TNFRSF10D: variants seen among roughly 807,000 people sequenced by gnomAD.
TNFRSF10D encodes the protein tumor necrosis factor receptor superfamily member 10D.
In TNFRSF10D, 28 loss-of-function variants were observed where a neutral mutation model predicts 42.1. The ratio of observed to expected loss-of-function variants is 0.66; its 90% CI spans 0.49 to 0.91. TNFRSF10D has a LOEUF of 0.91. Ranked by LOEUF, TNFRSF10D falls within the 40% of genes least tolerant of loss-of-function variation. The pLI, the probability that TNFRSF10D is intolerant of heterozygous loss-of-function variation, is 0.00. For synonymous variants in TNFRSF10D, 186 were observed against 189.4 expected (o/e 0.98, Z 0.15); for missense variants, 503 against 486.1 (o/e 1.03, Z -0.33).
At chr8:23,144,312 C>T (rs549358754) in intron 7 of TNFRSF10D, 138 bp downstream of exon 7, 16 of 958,082 alleles carry the variant, frequency 1.7e-5, no homozygotes, top group African/African-American at 1.1e-4. Context: ...GCAGCTGCTC[C>T]GTCCCCTGCA....
intron 7 of TNFRSF10D, 58 bp from the exon 8 acceptor site, chr8:23,138,318 T>C: frequency 1.3e-6 from 2 of 1,588,416 alleles, no homozygotes; most frequent in Non-Finnish European, 1.7e-6. Flanking sequence ...AGTCTAGTAC[T>C]GACCCTGACC....
intron 2 of TNFRSF10D, among the ~76,000 whole-genome samples, chr8:23,154,439 C>T (rs1237355219): frequency 9.9e-5 from 15 of 152,240 alleles, no homozygotes; most frequent in African/African-American, 3.6e-4. Flanking sequence ...ACCCCAGGTA[C>T]ATATGCTTTA....
At chr8:23,147,191 T>G (rs533374932) in intron 3 of TNFRSF10D, 119 bp from the exon 4 acceptor site, 152 of 794,450 alleles carry the variant, frequency 1.9e-4, no homozygotes, top group Non-Finnish European at 2.9e-4. Flanking sequence ...TTCTGAGGGC[T>G]GGTTTCTGCA....
chr8:23,144,660 A>C (rs550714300), intron 6 of TNFRSF10D, 25 bp from the exon 7 acceptor site: 3 of 1,605,482 alleles, frequency 1.9e-6, no homozygotes, highest in Non-Finnish European at 2.6e-6. Context: ...GAGCCCACTC[A>C]AGTCCACACC....
intron 1 of TNFRSF10D, among the ~76,000 whole-genome samples, chr8:23,161,570 A>G (rs377110662): frequency 1.3e-5 from 2 of 152,284 alleles, no homozygotes; most frequent in African/African-American, 4.8e-5. Context: ...CTGGGAATTC[A>G]GTCTTCCCTG....
At chr8:23,153,444 T>A (rs1800234453) in intron 2 of TNFRSF10D, among the ~76,000 whole-genome samples, 1 of 152,120 alleles carries the variant, frequency 6.6e-6, no homozygotes, top group Non-Finnish European at 1.5e-5. Flanking sequence ...ACATACAGGA[T>A]GAGAGATCAA....
chr8:23,159,025 A>G (rs951310352), intron 1 of TNFRSF10D, among the ~76,000 whole-genome samples: 1 of 152,082 alleles, frequency 6.6e-6, no homozygotes, highest in Non-Finnish European at 1.5e-5. Context: ...GATTAGTTGT[A>G]TTTTAATAAG....
rs144945600 is a variant in TNFRSF10D, at chr8:23,136,214, C to T, written c.*1656G>A. 6.2e-3 allele frequency: 1,484 copies of T among 239,838 alleles called. No homozygotes were observed. Among genetic ancestry groups the T allele is most frequent in the African/African-American group, 0.021 (902 of 43,684 alleles). 14.9% of individuals were successfully genotyped at this position (239,838 alleles called of 1,614,324 possible). On this transcript the variant is annotated 3_prime_UTR_variant, in exon 9 of 9. Transcript: ENST00000312584. ...AGAGTTTGCTGGAAAGAAGCTAAAA[C>T]GATTACTGAGGTTTTTAAATAAAAT...
chr8:23,159,246 C>G (rs1435585554), intron 1 of TNFRSF10D, among the ~76,000 whole-genome samples: 1 of 152,098 alleles, frequency 6.6e-6, no homozygotes, highest in Non-Finnish European at 1.5e-5. Flanking sequence ...AGCCATCGCA[C>G]CTGCCCACCC....
At chr8:23,146,910 G>C (rs184032925) in intron 4 of TNFRSF10D, 51 bp downstream of exon 4, 154 of 1,436,236 alleles carry the variant, frequency 1.1e-4, no homozygotes, top group Middle Eastern at 1.7e-4. Context: ...AGGTGAATCA[G>C]GTCTTTTCAG....
chr8:23,158,636 C>T (rs375325814), intron 1 of TNFRSF10D, among the ~76,000 whole-genome samples: 6 of 152,246 alleles, frequency 3.9e-5, no homozygotes, highest in African/African-American at 1.2e-4. Flanking sequence ...TTTTTTACTC[C>T]TTTTTCCCCT....
rs572810934 is a variant in TNFRSF10D at position 23,147,938 on chromosome 8, A to G, written c.370+500T>C. On this transcript the variant is annotated intron_variant, in intron 3 of 8. Transcript: ENST00000312584. Reference sequence around the variant, plus strand: ...AAATTAGCCGGGTGTGGTGGCGGGCACCTGTAGTCATAGCTACTCAGGAGG... The same window carrying G: ...AAATTAGCCGGGTGTGGTGGCGGGCGCCTGTAGTCATAGCTACTCAGGAGG... 7.2e-5 allele frequency among the ~76,000 whole-genome samples: 11 copies of G among 151,984 alleles called. No homozygotes were observed. In the South Asian group the frequency reaches 1.3e-3, roughly 17 times the overall value.
intron 1 of TNFRSF10D, among the ~76,000 whole-genome samples, chr8:23,162,826 A>T (rs191254227): frequency 9.1e-4 from 139 of 152,348 alleles, no homozygotes; most frequent in African/African-American, 3.3e-3. Flanking sequence ...AAAGTTACAA[A>T]AAACAGCGTT....
chr8:23,158,894 G>T (rs900494290), intron 1 of TNFRSF10D, among the ~76,000 whole-genome samples: 13 of 152,100 alleles, frequency 8.5e-5, no homozygotes, highest in African/African-American at 2.9e-4. Flanking sequence ...TGGAACTATC[G>T]CCGCGATAAG....
intron 2 of TNFRSF10D, among the ~76,000 whole-genome samples, chr8:23,149,374 A>T (rs1800183007): frequency 1.3e-5 from 2 of 151,226 alleles, no homozygotes; most frequent in Admixed American, 6.6e-5. Context: ...AGTAGCTGGG[A>T]TTACAGGCAC....
intron 3 of TNFRSF10D, among the ~76,000 whole-genome samples, 175 bp from the exon 4 acceptor site, chr8:23,147,247 G>A (rs967701640): frequency 6.6e-6 from 1 of 152,070 alleles, no homozygotes; most frequent in African/African-American, 2.4e-5. Context: ...TGTATGTAAG[G>A]ACCAATACAA....
rs535369164 is a variant in TNFRSF10D, at chr8:23,155,958, T to G, written c.151-979A>C. 5.3e-5 allele frequency among the ~76,000 whole-genome samples: 8 copies of G among 152,284 alleles called. No individual in the cohort carries two copies. The South Asian group carries it at 1.7e-3, about 32-fold the overall frequency. ...AGTAATTTCTGCTTCACAAAGGACCTTGACAAGCTGTTCCCACTAAATATC... is the reference window on the plus strand; with the variant it reads ...AGTAATTTCTGCTTCACAAAGGACCGTGACAAGCTGTTCCCACTAAATATC... On this transcript the variant is annotated intron_variant, in intron 1 of 8. Transcript: ENST00000312584.
chr8:23,163,663 G>T, intron 1 of TNFRSF10D, 123 bp downstream of exon 1: 1 of 1,459,850 alleles, frequency 6.9e-7, no homozygotes, highest in Non-Finnish European at 9.2e-7. Flanking sequence ...GGTTCGTCCT[G>T]CCCAGACATG....
Position 23,163,672 on chromosome 8 carries a change from T to C in TNFRSF10D, c.150+114A>G, listed in dbSNP as rs996364999. ...ACGGCGGGTTCGTCCTGCCCAGACA[T>C]GCCCGGCCGCAGGCGACCCGGGCCA... On this transcript the variant is annotated intron_variant, in intron 1 of 8. Transcript: ENST00000312584. 2.6e-5 allele frequency: 39 copies of C among 1,488,180 alleles called. No individual in the cohort carries two copies. In the African/African-American group the frequency reaches 4.1e-4, roughly 16 times the overall value. The allele number at this position is 1,488,180 out of a possible 1,614,324, so 92.2% of individuals were successfully genotyped here.
Sources: allele counts gnomAD v4.1 joint callset (sites outside exome capture counted in the v4.1 genomes callset), GRCh38; gene constraint gnomAD v4.1.1; transcripts MANE v1.5; gene names NCBI Gene and HGNC (gene_info 2026-07-23, HGNC 2026-07-21).